Variants in CDC73 observed in about 807,000 individuals in gnomAD.
CDC73 encodes the protein cell division cycle 73.
Under a neutral mutation model 83.7 loss-of-function variants are expected in CDC73, and 21 were observed. The observed-to-expected ratio is 0.25, with a 90% CI of 0.18 to 0.36. The LOEUF (loss-of-function observed/expected upper bound fraction) is 0.36. Among genes scored for constraint, CDC73 ranks in the 10% least tolerant of loss-of-function variants. CDC73 has a pLI of 1.00. For missense variants in CDC73, 342 were observed against 653.3 expected, an observed-to-expected ratio of 0.52 and a Z score of 5.19; for synonymous variants, 224 against 212.9, an observed-to-expected ratio of 1.05 and a Z score of -0.45.
intron 10 of CDC73, among the ~76,000 whole-genome samples, chr1:193,177,028 T>G (rs905721726): frequency 6.6e-6 from 1 of 152,076 alleles, no homozygotes; most frequent in East Asian, 1.9e-4. Flanking sequence ...TCAGATATAC[T>G]CTCTTTTCTC....
At chr1:193,141,184 TAA>T (rs1221025613) in intron 6 of CDC73, 1 of 152,244 alleles carries the variant, frequency 6.6e-6, no homozygotes, top group Admixed American at 6.5e-5. Flanking sequence ...TTTTACATGA[TAA>T]AAGACACTTT....
At chr1:193,222,405 A>C (rs1432591765) in intron 13 of CDC73, among the ~76,000 whole-genome samples, 1 of 152,236 alleles carries the variant, frequency 6.6e-6, no homozygotes, top group East Asian at 1.9e-4. Context: ...CGTAGACTGG[A>C]CTGAGAATAG....
rs35852195 is a variant in CDC73, at chr1:193,162,617, C to G, written c.972+10173C>G. ...CTCCTGACCTCAAGTAATCTGCCCACCTCAGGCTTCCAAAGTGCTGGGATT... is the reference window on the plus strand; with the variant it reads ...CTCCTGACCTCAAGTAATCTGCCCAGCTCAGGCTTCCAAAGTGCTGGGATT... On this transcript the variant is annotated intron_variant, in intron 10 of 16. Coordinates refer to ENST00000367435, the MANE Select transcript of CDC73 (RefSeq NM_024529.5). 9.8e-3 allele frequency among the ~76,000 whole-genome samples: 1,495 copies of G among 152,102 alleles called. 16 individuals carry two copies. The highest frequency in any genetic ancestry group is 0.016 in the Non-Finnish European group (1,081 of 67,978).
chr1:193,210,697 C>T (rs1361561605), intron 11 of CDC73, among the ~76,000 whole-genome samples: 1 of 152,082 alleles, frequency 6.6e-6, no homozygotes, highest in Non-Finnish European at 1.5e-5. Context: ...GAGATCAACC[C>T]TGGGTGACAT....
chr1:193,127,075 C>G (rs2103115343), intron 2 of CDC73, among the ~76,000 whole-genome samples: 1 of 151,836 alleles, frequency 6.6e-6, no homozygotes, highest in East Asian at 1.9e-4. Flanking sequence ...TCAAGACCAA[C>G]CTGGGCAACA....
At chr1:193,147,493 G>T (rs1323869857) in intron 7 of CDC73, among the ~76,000 whole-genome samples, 1 of 150,064 alleles carries the variant, frequency 6.7e-6, no homozygotes, top group Non-Finnish European at 1.5e-5. Context: ...TCAGCCTCCC[G>T]AGTAGCTGGG....
At chr1:193,219,077 C>T (rs977756885) in intron 13 of CDC73, among the ~76,000 whole-genome samples, 1 of 152,116 alleles carries the variant, frequency 6.6e-6, no homozygotes, top group Admixed American at 6.6e-5. Flanking sequence ...GAGCAAAGGA[C>T]ACGAACAGAC....
chr1:193,249,638 T>A, intron 15 of CDC73, 92 bp from the exon 16 acceptor site: 1 of 937,518 alleles, frequency 1.1e-6, no homozygotes, highest in Non-Finnish European at 1.7e-6. Context: ...TCACTTTAGT[T>A]ATAATACGGC....
At chr1:193,165,360 A>G (rs1303072259) in intron 10 of CDC73, among the ~76,000 whole-genome samples, 2 of 152,254 alleles carry the variant, frequency 1.3e-5, no homozygotes, top group Non-Finnish European at 2.9e-5. Context: ...TGAGTAAAAA[A>G]TCAAATATGG....
chr1:193,254,633 G>A lies in CDC73; in HGVS notation c.*3921G>A, dbSNP rs1678101786. Reference sequence around the variant, plus strand: ...ATGTATAAAGATTTATATTTAGTTAGTATATAATAGATAATACTTGCAGGT... The same window carrying A: ...ATGTATAAAGATTTATATTTAGTTAATATATAATAGATAATACTTGCAGGT... On this transcript the variant is annotated 3_prime_UTR_variant, in exon 17 of 17. Coordinates refer to ENST00000367435, the MANE Select transcript of CDC73 (RefSeq NM_024529.5). 1.3e-5 allele frequency among the ~76,000 whole-genome samples: 2 copies of A among 152,084 alleles called. No individual in the cohort carries two copies. The highest frequency in any genetic ancestry group is 2.4e-5 in the African/African-American group (1 of 41,422).
At chr1:193,213,723 G>A (rs1462003939) in intron 13 of CDC73, among the ~76,000 whole-genome samples, 1 of 152,084 alleles carries the variant, frequency 6.6e-6, no homozygotes, top group African/African-American at 2.4e-5. Flanking sequence ...TTAGGAATTT[G>A]GACTGTTGCT....
At position 193,251,204 on chromosome 1, in the gene CDC73, C is replaced by A. The variant is rs943596405; in HGVS notation, c.*492C>A. 4.3e-6 allele frequency: 1 copy of A among 232,734 alleles called. No homozygotes were observed. The highest frequency in any genetic ancestry group is 2.2e-5 in the African/African-American group (1 of 45,248). 14.4% of individuals were successfully genotyped at this position (232,734 alleles called of 1,614,324 possible). On this transcript the variant is annotated 3_prime_UTR_variant, in exon 17 of 17. Coordinates refer to ENST00000367435, the MANE Select transcript of CDC73 (RefSeq NM_024529.5). Reference sequence around the variant, plus strand: ...TCAACTTGTATGTACACTATATCTACACTTACTCATTATTTAAAAAGAATA... The same window carrying A: ...TCAACTTGTATGTACACTATATCTAAACTTACTCATTATTTAAAAAGAATA...
In CDC73 at chr1:193,130,285, G is replaced by A. The variant is rs372055241; in HGVS notation, c.307+42G>A. ...TTGTTCCCAGTCTTAAACAGACATT[G>A]TTTCTTTTTTCCCCTATGAAATAAT... On this transcript the variant is annotated intron_variant, in intron 3 of 16. Transcript: ENST00000367435. The A allele has an allele frequency of 6.1e-4, 714 of 1,178,676 alleles. No individual in the cohort carries two copies. Among genetic ancestry groups the A allele is most frequent in the Non-Finnish European group, 8.0e-4 (626 of 785,668 alleles). The allele number at this position is 1,178,676 out of a possible 1,614,324, so 73.0% of individuals were successfully genotyped here. A position where few individuals can be genotyped will look rare whatever the true frequency, so the allele number is the denominator to read the frequency against.
intron 2 of CDC73, among the ~76,000 whole-genome samples, chr1:193,126,475 A>C (rs768977766): frequency 9.2e-5 from 14 of 152,204 alleles, no homozygotes; most frequent in African/African-American, 3.1e-4. Flanking sequence ...TTGATAAGTA[A>C]ATAAGATTCA....
At chr1:193,216,810 T>C (rs916886002) in intron 13 of CDC73, among the ~76,000 whole-genome samples, 4 of 152,182 alleles carry the variant, frequency 2.6e-5, no homozygotes, top group African/African-American at 9.7e-5. Context: ...TCAGTAAACA[T>C]GATTCGTCAC....
chr1:193,249,095 A>C (rs935345214), intron 15 of CDC73, among the ~76,000 whole-genome samples: 1 of 152,024 alleles, frequency 6.6e-6, no homozygotes, highest in African/African-American at 2.4e-5. Context: ...CAGTGCAGCA[A>C]ACTTCATTGT....
chr1:193,232,231 A>G (rs1677673600), intron 13 of CDC73, among the ~76,000 whole-genome samples: 1 of 152,006 alleles, frequency 6.6e-6, no homozygotes. Flanking sequence ...GCTGAAGCAT[A>G]AAATCTTAAA....
At chr1:193,224,746 C>A (rs1351665762) in intron 13 of CDC73, among the ~76,000 whole-genome samples, 2 of 152,096 alleles carry the variant, frequency 1.3e-5, no homozygotes, top group African/African-American at 4.8e-5. Flanking sequence ...ACTTAGAAAT[C>A]TTACATGGTT....
At chr1:193,196,862 T>G (rs549992947) in intron 10 of CDC73, among the ~76,000 whole-genome samples, 4 of 152,344 alleles carry the variant, frequency 2.6e-5, no homozygotes, top group African/African-American at 9.6e-5. Context: ...ATTTCTAGGT[T>G]ATTTAACATA....
Sources: allele counts gnomAD v4.1 joint callset (sites outside exome capture counted in the v4.1 genomes callset), GRCh38; gene constraint gnomAD v4.1.1; transcripts MANE v1.5; gene names NCBI Gene and HGNC (gene_info 2026-07-23, HGNC 2026-07-21).